RGS7: variants seen among roughly 807,000 people sequenced by gnomAD.
The protein encoded by RGS7 is regulator of G-protein signaling 7.
In RGS7, 27 loss-of-function variants were observed where a neutral mutation model predicts 81.1. The ratio of observed to expected loss-of-function variants is 0.33; its 90% CI spans 0.25 to 0.46. RGS7 has a LOEUF of 0.46. RGS7 is among the 20% of genes least tolerant of loss of function. The probability of loss-of-function intolerance (pLI) is 1.00; values close to 1 mark genes in which losing one functional copy is unlikely to be tolerated. For synonymous variants in RGS7, 208 were observed against 207.7 expected (o/e 1.00, Z -0.01); for missense variants, 396 against 607.4 (o/e 0.65, Z 3.66).
At chr1:240,865,378 C>T (rs1663051926) in intron 9 of RGS7, among the ~76,000 whole-genome samples, 1 of 152,198 alleles carries the variant, frequency 6.6e-6, no homozygotes, top group South Asian at 2.1e-4. Context: ...TATCAGGCCC[C>T]AGGCCATACC....
chr1:241,124,505 T>C (rs2066513957), intron 2 of RGS7, among the ~76,000 whole-genome samples: 2 of 152,358 alleles, frequency 1.3e-5, no homozygotes, highest in South Asian at 2.1e-4. Flanking sequence ...GTTTTGAGGA[T>C]AGCCCTATTC....
chr1:241,273,183 C>CG (rs1553305840), intron 2 of RGS7, among the ~76,000 whole-genome samples: 1 of 61,780 alleles, frequency 1.6e-5, no homozygotes, highest in African/African-American at 3.4e-5. Context: ...GAACCCCCCC[C>CG]CCCAAAGGAT....
chr1:241,162,992 A>T (rs551247013), intron 2 of RGS7, among the ~76,000 whole-genome samples: 3 of 152,196 alleles, frequency 2.0e-5, no homozygotes, highest in South Asian at 4.1e-4. Flanking sequence ...ATATTACTTT[A>T]AAAAATGTGT....
chr1:240,802,878 A>C (rs760371893), intron 16 of RGS7, 26 bp downstream of exon 16: 29 of 1,478,846 alleles, frequency 2.0e-5, no homozygotes, highest in Non-Finnish European at 2.6e-5. Context: ...TAGGCCAAGA[A>C]AAAACAACTC....
intron 2 of RGS7, among the ~76,000 whole-genome samples, chr1:241,289,453 G>A (rs2078982982): frequency 6.6e-6 from 1 of 152,128 alleles, no homozygotes; most frequent in Non-Finnish European, 1.5e-5. Context: ...CTCCGATAGT[G>A]CTCACCACAT....
At chr1:240,956,952 T>G (rs1336659089) in intron 4 of RGS7, among the ~76,000 whole-genome samples, 1 of 152,086 alleles carries the variant, frequency 6.6e-6, no homozygotes, top group East Asian at 1.9e-4. Context: ...ACAAGAAAAG[T>G]TTGAGAAACT....
intron 18 of RGS7, among the ~76,000 whole-genome samples, chr1:240,796,460 C>A (rs2103032100): frequency 6.6e-6 from 1 of 152,196 alleles, no homozygotes; most frequent in East Asian, 1.9e-4. Context: ...CTGAGGTGGG[C>A]AGATCACTTG....
At chr1:241,124,457 A>C (rs1206251367) in intron 2 of RGS7, among the ~76,000 whole-genome samples, 1 of 152,202 alleles carries the variant, frequency 6.6e-6, no homozygotes, top group African/African-American at 2.4e-5. Context: ...TTCTTCTATC[A>C]AGCTTTATAA....
At chr1:241,198,493 G>A (rs1915872) in intron 2 of RGS7, among the ~76,000 whole-genome samples, 30,179 of 151,924 alleles carry the variant, frequency 0.2, 3,678 homozygotes, top group Admixed American at 0.29. Context: ...AATGAACAAT[G>A]AGATTATTAC....
intron 9 of RGS7, among the ~76,000 whole-genome samples, chr1:240,865,900 G>C (rs1663149232): frequency 6.6e-6 from 1 of 152,130 alleles, no homozygotes; most frequent in African/African-American, 2.4e-5. Context: ...AGCTCTCTTA[G>C]GAGAACCTTT....
intron 3 of RGS7, among the ~76,000 whole-genome samples, chr1:240,997,049 A>C (rs946610676): frequency 6.6e-6 from 1 of 152,158 alleles, no homozygotes; most frequent in Non-Finnish European, 1.5e-5. Flanking sequence ...TCCTGGGCTT[A>C]AGTGATCCTC....
At chr1:241,116,173 A>C (rs2065874766) in intron 2 of RGS7, among the ~76,000 whole-genome samples, 1 of 152,156 alleles carries the variant, frequency 6.6e-6, no homozygotes, top group Non-Finnish European at 1.5e-5. Flanking sequence ...ATGAGAATGG[A>C]CTAATACACC....
At chr1:241,087,492 A>G (rs1217396372) in intron 3 of RGS7, among the ~76,000 whole-genome samples, 1 of 152,188 alleles carries the variant, frequency 6.6e-6, no homozygotes, top group East Asian at 1.9e-4. Flanking sequence ...CTGATGTTAG[A>G]TGCTCTTTAT....
chr1:240,826,245 G>C (rs1476121209), intron 10 of RGS7, among the ~76,000 whole-genome samples: 1 of 152,122 alleles, frequency 6.6e-6, no homozygotes, highest in Non-Finnish European at 1.5e-5. Context: ...CTAACATCAA[G>C]GTAAACTGCC....
intron 3 of RGS7, among the ~76,000 whole-genome samples, chr1:240,989,902 G>T (rs572026423): frequency 3.3e-5 from 5 of 152,270 alleles, no homozygotes; most frequent in South Asian, 4.1e-4. Context: ...ACTCATGGAG[G>T]CAGAGACTGT....
chr1:240,856,343 C>T (rs1661123432), intron 9 of RGS7, among the ~76,000 whole-genome samples: 1 of 152,166 alleles, frequency 6.6e-6, no homozygotes, highest in African/African-American at 2.4e-5. Flanking sequence ...CACCCCCGTT[C>T]TACTTATTCT....
chr1:241,251,714 T>C (rs2076836727), intron 2 of RGS7, among the ~76,000 whole-genome samples: 2 of 152,048 alleles, frequency 1.3e-5, no homozygotes, highest in Admixed American at 1.3e-4. Flanking sequence ...TTCATCACCT[T>C]CACCAGGCTG....
At chr1:241,275,562 A>G (rs2078151264) in intron 2 of RGS7, among the ~76,000 whole-genome samples, 1 of 152,214 alleles carries the variant, frequency 6.6e-6, no homozygotes, top group African/African-American at 2.4e-5. Context: ...TCTCTCTCTC[A>G]TAGCAATTAA....
chr1:241,121,871 C>G lies in RGS7; in HGVS notation c.79-23109G>C, dbSNP rs931928209. On this transcript the variant is annotated intron_variant, in intron 2 of 18. Transcript: ENST00000440928. ...CTCAGGTGCGTGATACCACACCTGG[C>G]TAACTTTTAAATTTTTTGTAGAGAT... 2.6e-5 allele frequency among the ~76,000 whole-genome samples: 4 copies of G among 151,882 alleles called. No homozygotes were observed. The South Asian group carries it at 8.3e-4, about 32-fold the overall frequency.
Sources: allele counts gnomAD v4.1 joint callset (sites outside exome capture counted in the v4.1 genomes callset), GRCh38; gene constraint gnomAD v4.1.1; transcripts MANE v1.5; gene names NCBI Gene and HGNC (gene_info 2026-07-23, HGNC 2026-07-21).